The following MTRES1 variants were observed in gnomAD, a reference collection of about 807,000 sequenced individuals.
MTRES1 encodes the protein uncharacterized protein C6orf203.
MTRES1 carries 11 observed loss-of-function variants against 17.4 expected under a neutral mutation model. The observed-to-expected ratio is 0.63, with a 90% CI of 0.40 to 1.05. The LOEUF is 1.05. Ranked by LOEUF, MTRES1 falls within the 50% of genes least tolerant of loss-of-function variation. The probability of loss-of-function intolerance (pLI) is 0.00; values close to 1 mark genes in which losing one functional copy is unlikely to be tolerated. For synonymous variants in MTRES1, 94 were observed against 99.6 expected (o/e 0.94, Z 0.34); for missense variants, 268 against 276.2 (o/e 0.97, Z 0.21).
intron 1 of MTRES1, among the ~76,000 whole-genome samples, chr6:107,037,861 G>A (rs971488828): frequency 7.2e-5 from 11 of 151,978 alleles, no homozygotes; most frequent in African/African-American, 2.7e-4. Context: ...TGGGATTATA[G>A]GCGTATGCCA....
chr6:107,048,459 C>T (rs1025588533), intron 3 of MTRES1, among the ~76,000 whole-genome samples: 1 of 151,356 alleles, frequency 6.6e-6, no homozygotes, highest in Non-Finnish European at 1.5e-5. Context: ...TTTAAAATGT[C>T]CACATAGGCT....
intron 1 of MTRES1, among the ~76,000 whole-genome samples, chr6:107,038,266 T>C (rs1440713000): frequency 2.0e-5 from 3 of 152,176 alleles, no homozygotes; most frequent in Non-Finnish European, 2.9e-5. Flanking sequence ...AGGTACAATC[T>C]AGGCACAAAG....
chr6:107,039,063 T>A (rs928918427), intron 1 of MTRES1, among the ~76,000 whole-genome samples: 4 of 151,842 alleles, frequency 2.6e-5, no homozygotes, highest in Non-Finnish European at 4.4e-5. Flanking sequence ...TCAAAAAAAA[T>A]AATAATAAAT....
At chr6:107,031,762 A>G (rs899770907) in intron 1 of MTRES1, among the ~76,000 whole-genome samples, 5 of 152,012 alleles carry the variant, frequency 3.3e-5, no homozygotes, top group African/African-American at 1.2e-4. Flanking sequence ...CACCACATTC[A>G]GCTAATTTTT....
At chr6:107,034,029 GA>G (rs1275711011) in intron 1 of MTRES1, among the ~76,000 whole-genome samples, 2 of 152,202 alleles carry the variant, frequency 1.3e-5, no homozygotes, top group Non-Finnish European at 2.9e-5. Flanking sequence ...TGATCACAAT[GA>G]GAGGTAGTGA....
In MTRES1 at chr6:107,039,806, C is replaced by G; in HGVS notation, c.46C>G (p.Pro16Ala). ...VKLLAGVLRK[P>A]DAWIGLWGVL... ...ATTGCTTGCCGGTGTTTTAAGAAAG[C>G]CAGATGCCTGGATTGGACTCTGGGG... The change falls in exon 2 of 4, where the codon CCA becomes GCA. Residue 16 changes from proline (P) to alanine (A), a missense_variant. Physicochemically the swap from Pro to Ala is conservative, Grantham distance 27. Coordinates refer to ENST00000311381, the MANE Select transcript of MTRES1 (RefSeq NM_016487.5). The G allele has an allele frequency of 6.2e-7, 1 of 1,611,928 alleles. No individual in the cohort carries two copies. The highest frequency in any genetic ancestry group is 8.5e-7 in the Non-Finnish European group (1 of 1,179,520).
In MTRES1 at chr6:107,044,251, GT is replaced by G. The variant is rs746156231; in HGVS notation, c.471-5del. 1.6e-3 allele frequency: 2,507 copies of G among 1,607,888 alleles called. 1 individual carries two copies. Among genetic ancestry groups the G allele is most frequent in the Non-Finnish European group, 2.0e-3 (2,317 of 1,177,434 alleles). On this transcript the variant is annotated splice_polypyrimidine_tract_variant and splice_region_variant and intron_variant, in intron 2 of 3. Coordinates refer to ENST00000311381, the MANE Select transcript of MTRES1 (RefSeq NM_016487.5). ...ATTGTGTACATTGTTGCTTTTTTTTGTTTTGTAGCAAAGTGGAAGATGCTTT... is the reference window on the plus strand; with the variant it reads ...ATTGTGTACATTGTTGCTTTTTTTTGTTTGTAGCAAAGTGGAAGATGCTTT...
At chr6:107,046,031 A>G (rs1774378062) in intron 3 of MTRES1, among the ~76,000 whole-genome samples, 2 of 152,068 alleles carry the variant, frequency 1.3e-5, no homozygotes, top group Admixed American at 1.3e-4. Context: ...AGAAGGAGGG[A>G]AAACTCCCCC....
intron 2 of MTRES1, 114 bp from the exon 3 acceptor site, chr6:107,044,146 T>C: frequency 1.5e-6 from 1 of 685,300 alleles, no homozygotes; most frequent in Non-Finnish European, 2.4e-6. Context: ...AAAAATAGAT[T>C]TGAGGGTACA....
At chr6:107,038,930 T>G (rs1554227208) in intron 1 of MTRES1, among the ~76,000 whole-genome samples, 1 of 152,062 alleles carries the variant, frequency 6.6e-6, no homozygotes, top group Non-Finnish European at 1.5e-5. Context: ...GGTGCATGCC[T>G]GTAATTACAG....
At chr6:107,031,502 C>CA (rs1307490235) in intron 1 of MTRES1, among the ~76,000 whole-genome samples, 3 of 145,286 alleles carry the variant, frequency 2.1e-5, no homozygotes, top group Non-Finnish European at 4.5e-5. Context: ...GGCTGGAGTG[C>CA]AATGGCTTCG....
intron 1 of MTRES1, among the ~76,000 whole-genome samples, chr6:107,029,598 C>T (rs1002662825): frequency 1.5e-4 from 23 of 152,082 alleles, no homozygotes; most frequent in Admixed American, 5.9e-4. Context: ...ATTCTTCAGC[C>T]TCAGCCTCCC....
chr6:107,046,828 G>A (rs1774405408), intron 3 of MTRES1, among the ~76,000 whole-genome samples: 2 of 152,172 alleles, frequency 1.3e-5, no homozygotes, highest in African/African-American at 4.8e-5. Flanking sequence ...GTCCAAGTAT[G>A]GGGATTGAAT....
chr6:107,040,688 G>A (rs1182676111), intron 2 of MTRES1: 5 of 154,082 alleles, frequency 3.2e-5, no homozygotes, highest in African/African-American at 9.6e-5. Flanking sequence ...GGCCAATATG[G>A]TGAAACCCTG....
At chr6:107,037,797 C>T (rs1033222847) in intron 1 of MTRES1, among the ~76,000 whole-genome samples, 2 of 152,192 alleles carry the variant, frequency 1.3e-5, no homozygotes, top group Admixed American at 1.3e-4. Context: ...CAGCTCACTG[C>T]AACCTTTACC....
rs781911177 is a variant in MTRES1 at position 107,044,242 on chromosome 6, C to CT, written c.471-10dup. The CT allele has an allele frequency of 1.4e-5, 23 of 1,592,382 alleles. No homozygotes were observed. Among genetic ancestry groups the CT allele is most frequent in the East Asian group, 1.1e-4 (5 of 44,504 alleles). ...ATCACCCAAATTGTGTACATTGTTG[C>CT]TTTTTTTTGTTTTGTAGCAAAGTGG... On this transcript the variant is annotated splice_polypyrimidine_tract_variant and intron_variant, in intron 2 of 3. Transcript: ENST00000311381.
intron 1 of MTRES1, 140 bp from the exon 2 acceptor site, chr6:107,039,609 T>C: frequency 9.2e-6 from 8 of 873,376 alleles, no homozygotes; most frequent in Non-Finnish European, 1.3e-5. Context: ...CGTGAACCAC[T>C]GCGCCAGGCC....
intron 1 of MTRES1, among the ~76,000 whole-genome samples, chr6:107,029,231 A>G (rs1379636197): frequency 6.2e-5 from 9 of 145,466 alleles, no homozygotes; most frequent in Admixed American, 2.1e-4. Flanking sequence ...TCTGTCGCCC[A>G]GGCTGGAGTG....
At chr6:107,033,460 G>C (rs782750717) in intron 1 of MTRES1, among the ~76,000 whole-genome samples, 1 of 151,752 alleles carries the variant, frequency 6.6e-6, no homozygotes, top group African/African-American at 2.4e-5. Flanking sequence ...GGAGCTGGGT[G>C]CCTGGTTAGC....
Sources: gnomAD v4.1 joint callset for allele counts (sites outside exome capture counted in the v4.1 genomes callset) on GRCh38, gnomAD v4.1.1 for gene constraint, MANE v1.5 for transcripts, NCBI Gene and HGNC (gene_info 2026-07-23, HGNC 2026-07-21) for gene names.